PKD2L1: variants seen among roughly 807,000 people sequenced by gnomAD.
PKD2L1 encodes the protein polycystin-2-like protein 1.
In PKD2L1, 77 loss-of-function variants were observed where a neutral mutation model predicts 93.0. The ratio of observed to expected loss-of-function variants is 0.83; its 90% confidence interval spans 0.69 to 1.00. The LOEUF is 1.00. Among genes scored for constraint, PKD2L1 ranks in the 50% least tolerant of loss-of-function variants. The pLI, the probability that PKD2L1 is intolerant of heterozygous loss-of-function variation, is 0.00. For synonymous variants in PKD2L1, 390 were observed against 388.0 expected (o/e 1.01, Z -0.06); for missense variants, 977 against 990.9 (o/e 0.99, Z 0.19).
chr10:100,308,954 C>G (rs1439656567), intron 2 of PKD2L1, among the ~76,000 whole-genome samples: 1 of 152,170 alleles, frequency 6.6e-6, no homozygotes, highest in Non-Finnish European at 1.5e-5. Context: ...AGATCACCGT[C>G]TTGAAAGAAG....
rs147426900 is a variant in PKD2L1 at position 100,295,066 on chromosome 10, G to A, written c.1414C>T (p.Arg472Cys). 0.016 allele frequency: 25,627 copies of A among 1,614,056 alleles called. 290 individuals are homozygous for A. Among genetic ancestry groups the A allele is most frequent in the Middle Eastern group, 0.051 (311 of 6,060 alleles). Residue 472 changes from arginine to cysteine, a missense_variant, in exon 8 of 16, where the codon CGC becomes TGC. Transcript: ENST00000318222. Reference protein sequence around the residue: ...TMTQLSSTLARCAKDILGFAV... With the variant: ...TMTQLSSTLACCAKDILGFAV... ...AAGCCCAGGATGTCCTTGGCACAGC[G>A]GGCCAGCGTGGAGGAGAGCTGGGTC...
chr10:100,304,826 C>T (rs976130405), intron 2 of PKD2L1, among the ~76,000 whole-genome samples: 15 of 152,244 alleles, frequency 9.9e-5, no homozygotes, highest in African/African-American at 3.6e-4. Flanking sequence ...TTGAGGAAGA[C>T]GTGTCCCAGA....
intron 2 of PKD2L1, among the ~76,000 whole-genome samples, chr10:100,312,183 A>T (rs1304169980): frequency 6.6e-6 from 1 of 152,238 alleles, no homozygotes; most frequent in Non-Finnish European, 1.5e-5. Context: ...AAGGTTGTTG[A>T]AACCGTGCAT....
At chr10:100,293,410 A>G in intron 9 of PKD2L1, 31 bp from the exon 10 acceptor site, 1 of 1,362,578 alleles carries the variant, frequency 7.3e-7, no homozygotes, top group South Asian at 1.2e-5. Context: ...CTGGGTCCTC[A>G]CCCCCAGACC....
At chr10:100,296,522 ATGTATAGAT>A (rs1477838906) in intron 6 of PKD2L1, among the ~76,000 whole-genome samples, 1 of 152,172 alleles carries the variant, frequency 6.6e-6, no homozygotes, top group African/African-American at 2.4e-5. Flanking sequence ...GTAAATATTA[ATGTATAGAT>A]TGTAAAGGGC....
At chr10:100,296,841 A>C (rs1848550451) in intron 6 of PKD2L1, 139 bp downstream of exon 6, 2 of 619,792 alleles carry the variant, frequency 3.2e-6, no homozygotes, top group Admixed American at 5.7e-5. Flanking sequence ...CCTCTCACTT[A>C]GGGAGCTGTT....
At chr10:100,329,830 A>T in intron 1 of PKD2L1, 39 bp downstream of exon 1, 2 of 1,399,556 alleles carry the variant, frequency 1.4e-6, no homozygotes, top group Non-Finnish European at 9.9e-7. Context: ...ACTCCTCCTG[A>T]TTCTAATATC....
chr10:100,312,247 A>C (rs1848950980), intron 2 of PKD2L1, among the ~76,000 whole-genome samples: 1 of 152,214 alleles, frequency 6.6e-6, no homozygotes, highest in South Asian at 2.1e-4. Flanking sequence ...ATTCACTCAC[A>C]TCTGCTTCAG....
chr10:100,302,101 C>A (rs1848692822), intron 2 of PKD2L1, among the ~76,000 whole-genome samples: 1 of 152,124 alleles, frequency 6.6e-6, no homozygotes, highest in African/African-American at 2.4e-5. Context: ...TCCCAAAGTG[C>A]TGGGATTATA....
rs549891000 is a variant in PKD2L1 at position 100,329,957 on chromosome 10, T to A, written c.147A>T (p.Gln49His). ...GGGGTTCATCTTCAGGCTTCTTGGG[T>A]TGGGGCTGGAGAGGCCCCGTGCTGG... ...TISSTGPLQP[Q>H]PKKPEDEPQE... The change falls in exon 1 of 16, where the codon CAA becomes CAT. Residue 49 changes from glutamine to histidine, a missense_variant. By Grantham distance (24) the Gln-to-His change is conservative. Transcript: ENST00000318222. 4 of 1,614,040 alleles carry A rather than the reference T, an allele frequency of 2.5e-6. No homozygotes were observed. The South Asian group carries it at 4.4e-5, about 18-fold the overall frequency.
At chr10:100,289,952 A>T (rs1848367725) in intron 14 of PKD2L1, 63 bp downstream of exon 14, 1 of 1,594,916 alleles carries the variant, frequency 6.3e-7, no homozygotes, top group Admixed American at 1.7e-5. Flanking sequence ...CCACCCACTG[A>T]GTGGAAAAGA....
Position 100,293,370 on chromosome 10 carries a change from G to A in PKD2L1, c.1669C>T (p.Leu557=), listed in dbSNP as rs763713059. 1 of 1,609,668 alleles carries A rather than the reference G, an allele frequency of 6.2e-7. No individual in the cohort carries two copies. Among genetic ancestry groups the A allele is most frequent in the Non-Finnish European group, 8.5e-7 (1 of 1,175,902 alleles). The stretch of plus-strand genomic sequence containing the variant: ...GAATATGTGTCATTGATGATGGCCA[G>A]GAACATGTTCTGGAAAATGAAGTGG... ...FVFFVLLNMF[L]AIINDTYSEV... The change falls in exon 10 of 16, where the codon CTG becomes TTG. Residue 557 remains leucine (L), a synonymous_variant. Transcript: ENST00000318222.
intron 11 of PKD2L1, 95 bp from the exon 12 acceptor site, chr10:100,291,522 T>G: frequency 7.4e-7 from 1 of 1,357,436 alleles, no homozygotes; most frequent in South Asian, 1.3e-5. Flanking sequence ...CTGGCAAAAG[T>G]TTTGCTTCTG....
chr10:100,297,736 G>GTT, intron 4 of PKD2L1, 130 bp from the exon 5 acceptor site: 1 of 599,362 alleles, frequency 1.7e-6, no homozygotes, highest in South Asian at 2.0e-5. Context: ...GTGTGTGTGT[G>GTT]TGTGTGTGTA....
In PKD2L1 at chr10:100,291,308, T is replaced by C; in HGVS notation, c.2000A>G (p.Glu667Gly). Residue 667 changes from glutamate (E) to glycine (G), a missense_variant, in exon 12 of 16, where the codon GAA becomes GGA. Glu to Gly is a moderately conservative substitution (Grantham distance 98). Coordinates refer to ENST00000318222, the MANE Select transcript of PKD2L1 (RefSeq NM_016112.3). ...EQEKMRQDLE[E>G]ERVALNTEIE... ...CCCATCAGCCCAGCTCACCCTCTCT[T>C]CCTCCAGGTCCTGTCGCATTTTTTC... The C allele has an allele frequency of 6.2e-7, 1 of 1,613,716 alleles. No individual in the cohort carries two copies.
intron 2 of PKD2L1, among the ~76,000 whole-genome samples, chr10:100,327,192 A>T (rs1849398436): frequency 6.6e-6 from 1 of 152,244 alleles, no homozygotes; most frequent in Non-Finnish European, 1.5e-5. Context: ...GGGTTGCCTC[A>T]TGAAACAGTG....
In PKD2L1 at chr10:100,297,165, A is replaced by G; in HGVS notation, c.1000T>C (p.Trp334Arg). The G allele has an allele frequency of 6.2e-7, 1 of 1,614,168 alleles. No individual in the cohort carries two copies. Among genetic ancestry groups the G allele is most frequent in the Non-Finnish European group, 8.5e-7 (1 of 1,180,032 alleles). The change falls in exon 6 of 16, where the codon TGG becomes CGG. Residue 334 changes from tryptophan to arginine, a missense_variant. By Grantham distance (101) the Trp-to-Arg change is moderately radical. Transcript: ENST00000318222. ...FPATGGAIPS[W>R]QIRTVKLIRY... ...ATCAGCTTGACTGTGCGGATTTGCC[A>G]GGATGGGATGGCACCTCCTGTAGCT...
At chr10:100,290,803 T>G (rs768958938) in intron 12 of PKD2L1, among the ~76,000 whole-genome samples, 1 of 152,228 alleles carries the variant, frequency 6.6e-6, no homozygotes, top group Non-Finnish European at 1.5e-5. Context: ...ACACTACCAG[T>G]GTTCTTGGCA....
chr10:100,323,264 G>A (rs903606109), intron 2 of PKD2L1, among the ~76,000 whole-genome samples: 2 of 151,922 alleles, frequency 1.3e-5, no homozygotes, highest in South Asian at 2.1e-4. Flanking sequence ...AAATAATCAC[G>A]GCTTTTATTT....
Sources: gnomAD v4.1 joint callset for allele counts (sites outside exome capture counted in the v4.1 genomes callset) on GRCh38, gnomAD v4.1.1 for gene constraint, MANE v1.5 for transcripts, NCBI Gene and HGNC (gene_info 2026-07-23, HGNC 2026-07-21) for gene names.